The following INPP5D variants were observed in gnomAD, a reference collection of about 807,000 sequenced individuals.
INPP5D encodes the protein phosphatidylinositol 3,4,5-trisphosphate 5-phosphatase 1.
In INPP5D, 33 loss-of-function variants were observed where a neutral mutation model predicts 122.9. The ratio of observed to expected loss-of-function variants is 0.27; its 90% CI spans 0.20 to 0.36. The LOEUF is 0.36. Among genes scored for constraint, INPP5D ranks in the 10% least tolerant of loss-of-function variants. The pLI is 1.00. For missense variants in INPP5D, 1,053 were observed against 1,412.7 expected (o/e 0.75, Z 4.08); for synonymous variants, 584 against 576.2 (o/e 1.01, Z -0.19).
chr2:233,065,789 G>C (rs2106195951), intron 1 of INPP5D, among the ~76,000 whole-genome samples: 1 of 151,834 alleles, frequency 6.6e-6, no homozygotes, highest in African/African-American at 2.4e-5. Flanking sequence ...TGGGATTACA[G>C]GTACCCACCA....
Position 233,092,259 on chromosome 2 carries a change from G to A in INPP5D, c.198+12861G>A, listed in dbSNP as rs143309176. On this transcript the variant is annotated intron_variant, in intron 2 of 26. Coordinates refer to ENST00000445964, the MANE Select transcript of INPP5D (RefSeq NM_001017915.3). Reference sequence around the variant, plus strand: ...CAGCTTCTCTCCAGGCTGCTCCCAGGGCTGGGGACTCTGGGCTGGTCTGCC... The same window carrying A: ...CAGCTTCTCTCCAGGCTGCTCCCAGAGCTGGGGACTCTGGGCTGGTCTGCC... 1.2e-3 allele frequency among the ~76,000 whole-genome samples: 183 copies of A among 152,336 alleles called. 1 individual carries two copies. In the East Asian group the frequency reaches 0.019, roughly 16 times the overall value.
chr2:233,135,748 G>A (rs961583958), intron 5 of INPP5D, among the ~76,000 whole-genome samples: 6 of 151,952 alleles, frequency 3.9e-5, no homozygotes, highest in African/African-American at 1.4e-4. Flanking sequence ...TCATTCAAGA[G>A]CACAAGTCAT....
chr2:233,192,034 G>A (rs889296467), intron 22 of INPP5D, among the ~76,000 whole-genome samples: 7 of 152,150 alleles, frequency 4.6e-5, no homozygotes, highest in East Asian at 1.9e-4. Context: ...AGGTAACTAC[G>A]TGATCTTGGG....
rs553977940 is a variant in INPP5D, at chr2:233,204,569, G to GGCC, written c.3425_3427dup (p.Pro1142dup). The GGCC allele has an allele frequency of 8.3e-6, 13 of 1,565,714 alleles. No individual in the cohort carries two copies. The East Asian group carries it at 2.9e-4, about 35-fold the overall frequency. Reference sequence around the variant, plus strand: ...CAGACCCCGCCCACCCCGACGCCGCGGCCGCCGCTGCCAGTCAAGAGCCCG... The same window carrying GGCC: ...CAGACCCCGCCCACCCCGACGCCGCGGCCGCCGCCGCTGCCAGTCAAGAGCCCG... On this transcript the variant is annotated inframe_insertion, in exon 26 of 27. Coordinates refer to ENST00000445964, the MANE Select transcript of INPP5D (RefSeq NM_001017915.3).
chr2:233,060,701 C>CCTA, intron 1 of INPP5D, 89 bp downstream of exon 1: 3 of 1,517,446 alleles, frequency 2.0e-6, no homozygotes, highest in Non-Finnish European at 2.7e-6. Flanking sequence ...TCTTATGTCA[C>CCTA]AGGACAGAGT....
Position 233,170,510 on chromosome 2 carries a change from C to T in INPP5D, c.1806C>T (p.Ile602=), listed in dbSNP as rs756504546. The change falls in exon 16 of 27, where the codon ATC becomes ATT. Residue 602 remains isoleucine (I), a synonymous_variant. Transcript: ENST00000445964. The surrounding 1 kb of genome is among the most constrained non-coding windows in gnomAD (Gnocchi z 4.5). ...TCTTGTTCCAGGAGGCAGAAACCAT[C>T]ATCCAGAAAATCAAGCAGCAGCAGT... ...VDLPTWEAET[I]IQKIKQQQYA... 1.2e-5 allele frequency: 19 copies of T among 1,613,626 alleles called. No homozygotes were observed. In the East Asian group the frequency reaches 3.1e-4, roughly 27 times the overall value.
At chr2:233,096,148 A>T (rs1225788126) in intron 2 of INPP5D, among the ~76,000 whole-genome samples, 1 of 152,152 alleles carries the variant, frequency 6.6e-6, no homozygotes, top group East Asian at 1.9e-4. Flanking sequence ...AAAAACTATT[A>T]CTGGGTTGAA....
At chr2:233,072,372 C>A (rs1691404523) in intron 1 of INPP5D, among the ~76,000 whole-genome samples, 1 of 152,084 alleles carries the variant, frequency 6.6e-6, no homozygotes, top group African/African-American at 2.4e-5. Context: ...TGCATGATTA[C>A]AATGAACTAT....
intron 18 of INPP5D, among the ~76,000 whole-genome samples, chr2:233,180,640 A>T (rs754329756): frequency 1.3e-5 from 2 of 152,198 alleles, no homozygotes; most frequent in Non-Finnish European, 2.9e-5. Context: ...CCCAGGTTCA[A>T]GTGATTCTCC....
In INPP5D at chr2:233,207,864, G is replaced by A. The variant is rs1695554364; in HGVS notation, c.*1156G>A. 6.6e-6 allele frequency: 1 copy of A among 152,354 alleles called. No homozygotes were observed. Among genetic ancestry groups the A allele is most frequent in the Non-Finnish European group, 1.5e-5 (1 of 68,042 alleles). 9.4% of individuals were successfully genotyped at this position (152,354 alleles called of 1,614,324 possible). A position where few individuals can be genotyped will look rare whatever the true frequency, so the allele number is the denominator to read the frequency against. The stretch of plus-strand genomic sequence containing the variant: ...GGAATGCACCCCACATTCCCATGAT[G>A]GAAGTCTGCGTAACCAATAAATTGT... On this transcript the variant is annotated 3_prime_UTR_variant, in exon 27 of 27. Transcript: ENST00000445964. This position sits in a 1 kb window ranked among gnomAD's most constrained non-coding sequence, Gnocchi z 4.6.
At chr2:233,156,267 T>G (rs1694051189) in intron 9 of INPP5D, among the ~76,000 whole-genome samples, 1 of 152,204 alleles carries the variant, frequency 6.6e-6, no homozygotes, top group Non-Finnish European at 1.5e-5. Flanking sequence ...GTGGGTCTGC[T>G]GAGCCAGAGT....
At position 233,094,192 on chromosome 2, in the gene INPP5D, T is replaced by A. The variant is rs981752760; in HGVS notation, c.198+14794T>A. Among the ~76,000 whole-genome samples the A allele has an allele frequency of 4.7e-4, 72 of 152,052 alleles. 3 individuals carry two copies. The highest frequency in any genetic ancestry group is 1.3e-4 in the Non-Finnish European group (9 of 68,022). The stretch of plus-strand genomic sequence containing the variant: ...ATATATTGGGTTAAATAAAATACAT[T>A]CATCAAATTGATTTTATCCCGATGT... On this transcript the variant is annotated intron_variant, in intron 2 of 26. Coordinates refer to ENST00000445964, the MANE Select transcript of INPP5D (RefSeq NM_001017915.3).
chr2:233,146,146 T>A lies in INPP5D; in HGVS notation c.754-16T>A. ...TTCAGTGATGCTGCCCTGATCCTCTTTCCCTCCTCTCCCAGGTTCCTGGTG... is the reference window on the plus strand; with the variant it reads ...TTCAGTGATGCTGCCCTGATCCTCTATCCCTCCTCTCCCAGGTTCCTGGTG... On this transcript the variant is annotated splice_polypyrimidine_tract_variant and intron_variant, in intron 6 of 26. Transcript: ENST00000445964. The A allele has an allele frequency of 1.4e-6, 1 of 704,208 alleles. No homozygotes were observed. Among genetic ancestry groups the A allele is most frequent in the East Asian group, 2.7e-5 (1 of 37,414 alleles). 43.6% of individuals were successfully genotyped at this position (704,208 alleles called of 1,614,324 possible). A position where few individuals can be genotyped will look rare whatever the true frequency, so the allele number is the denominator to read the frequency against.
chr2:233,060,613 G>A lies in INPP5D; in HGVS notation c.134+1G>A, dbSNP rs768814005. Reference sequence around the variant, plus strand: ...CCCGGGCATACGCGCTCTGCGTGCTGTGAGTACAACCTGCTCCCTCCCCGG... The same window carrying A: ...CCCGGGCATACGCGCTCTGCGTGCTATGAGTACAACCTGCTCCCTCCCCGG... On this transcript the variant is annotated splice_donor_variant, in intron 1 of 26. Coordinates refer to ENST00000445964, the MANE Select transcript of INPP5D (RefSeq NM_001017915.3). LOFTEE classifies it high-confidence loss of function. 6.2e-7 allele frequency: 1 copy of A among 1,613,960 alleles called. No individual in the cohort carries two copies.
Position 233,177,168 on chromosome 2 carries a change from T to C in INPP5D, c.1990-97T>C, listed in dbSNP as rs977506694. On this transcript the variant is annotated intron_variant, in intron 17 of 26. Coordinates refer to ENST00000445964, the MANE Select transcript of INPP5D (RefSeq NM_001017915.3). The surrounding 1 kb of genome is among the most constrained non-coding windows in gnomAD (Gnocchi z 4.2). ...TATAAAAAGCCAACAGCCGATGAAT[T>C]TGAGGATTACAGAGGCCACCAGTTA... is the stretch of plus-strand genomic sequence containing the variant. The C allele has an allele frequency of 2.6e-6, 4 of 1,509,590 alleles. No homozygotes were observed. The highest frequency in any genetic ancestry group is 3.6e-6 in the Non-Finnish European group (4 of 1,109,798). 93.5% of individuals were successfully genotyped at this position (1,509,590 alleles called of 1,614,324 possible).
chr2:233,204,775 C>CGTATGTGT (rs70958391), intron 26 of INPP5D, 58 bp downstream of exon 26: 287,726 of 1,415,946 alleles, frequency 0.2, 30,049 homozygotes, highest in East Asian at 0.34. Context: ...TGCGTGAGTG[C>CGTATGTGT]GTATGTGTGT....
intron 2 of INPP5D, among the ~76,000 whole-genome samples, chr2:233,115,806 C>A (rs1692771932): frequency 6.6e-6 from 1 of 152,192 alleles, no homozygotes; most frequent in African/African-American, 2.4e-5. Context: ...ATTATGTTTG[C>A]AACCAAACTT....
intron 4 of INPP5D, among the ~76,000 whole-genome samples, chr2:233,127,403 A>G (rs983163540): frequency 1.3e-5 from 2 of 152,162 alleles, no homozygotes; most frequent in African/African-American, 4.8e-5. Context: ...GTGTTTTAAA[A>G]TCAGTCTATT....
chr2:233,201,031 A>G (rs1418958708), intron 25 of INPP5D, among the ~76,000 whole-genome samples: 1 of 152,050 alleles, frequency 6.6e-6, no homozygotes, highest in Non-Finnish European at 1.5e-5. Flanking sequence ...AGTCAGGAAG[A>G]GAGAGAGAAA....
Sources: gnomAD v4.1 joint callset for allele counts (sites outside exome capture counted in the v4.1 genomes callset) on GRCh38, gnomAD v4.1.1 for gene constraint, Gnocchi (gnomAD v3.1) non-coding constraint, MANE v1.5 for transcripts, NCBI Gene and HGNC (gene_info 2026-07-23, HGNC 2026-07-21) for gene names.